LMBRD1: variants seen among roughly 807,000 people sequenced by gnomAD.
The protein encoded by LMBRD1 is LMBR1 domain containing 1, also known as lysosomal cobalamin transport escort protein LMBD1.
Under a neutral mutation model 74.8 loss-of-function variants are expected in LMBRD1, and 64 were observed. The observed-to-expected ratio is 0.86, with a 90% CI of 0.70 to 1.05. The LOEUF (loss-of-function observed/expected upper bound fraction) is 1.05. LMBRD1 is among the 50% of genes least tolerant of loss of function. The pLI is 0.00. For synonymous variants in LMBRD1, 204 were observed against 216.3 expected (o/e 0.94, Z 0.50); for missense variants, 652 against 645.9 (o/e 1.01, Z -0.10).
chr6:69,751,769 C>T (rs1765163740), intron 4 of LMBRD1, among the ~76,000 whole-genome samples: 1 of 152,190 alleles, frequency 6.6e-6, no homozygotes, highest in South Asian at 2.1e-4. Flanking sequence ...ATAAAATGTT[C>T]GCTGTCTCTG....
chr6:69,778,756 A>G (rs1202171385), intron 3 of LMBRD1, among the ~76,000 whole-genome samples: 1 of 152,136 alleles, frequency 6.6e-6, no homozygotes, highest in Non-Finnish European at 1.5e-5. Flanking sequence ...ATTTTATTAT[A>G]TTTAATATAT....
intron 9 of LMBRD1, among the ~76,000 whole-genome samples, chr6:69,704,960 C>CT (rs1766219833): frequency 7.2e-6 from 1 of 139,632 alleles, no homozygotes; most frequent in Non-Finnish European, 1.5e-5. Context: ...ATTAATTTCT[C>CT]TTTTTTTTAA....
rs147029590 is a variant in LMBRD1 at position 69,690,598 on chromosome 6, A to T, written c.1417+6965T>A. Among the ~76,000 whole-genome samples the T allele has an allele frequency of 3.4e-3, 516 of 152,128 alleles. 5 individuals carry two copies. The highest frequency in any genetic ancestry group is 0.011 in the African/African-American group (475 of 41,540). ...TAAAGGTTATTTTTAAATATAAGATAAAAAAACCCCAAATCAATCCATTTA... is the reference window on the plus strand; with the variant it reads ...TAAAGGTTATTTTTAAATATAAGATTAAAAAACCCCAAATCAATCCATTTA... On this transcript the variant is annotated intron_variant, in intron 14 of 15. Transcript: ENST00000649934.
chr6:69,738,764 G>A (rs1347929291), intron 6 of LMBRD1, among the ~76,000 whole-genome samples: 1 of 151,980 alleles, frequency 6.6e-6, no homozygotes, highest in Non-Finnish European at 1.5e-5. Context: ...ATATTCTTAG[G>A]AGCAACACTT....
chr6:69,726,841 T>TA (rs1766747363), intron 7 of LMBRD1, among the ~76,000 whole-genome samples: 1 of 151,122 alleles, frequency 6.6e-6, no homozygotes, highest in Non-Finnish European at 1.5e-5. Context: ...CTATAGTCAA[T>TA]AATAATTTCG....
intron 8 of LMBRD1, among the ~76,000 whole-genome samples, chr6:69,714,904 A>G (rs1204631607): frequency 2.6e-5 from 4 of 152,094 alleles, no homozygotes; most frequent in African/African-American, 9.7e-5. Flanking sequence ...TTAAATACAT[A>G]TATCTAGGCC....
At chr6:69,740,383 C>G (rs910269310) in intron 6 of LMBRD1, among the ~76,000 whole-genome samples, 1 of 152,094 alleles carries the variant, frequency 6.6e-6, no homozygotes, top group Non-Finnish European at 1.5e-5. Context: ...TATACTAATA[C>G]TCAAAGTATA....
At chr6:69,765,461 T>C (rs1216149472) in intron 3 of LMBRD1, among the ~76,000 whole-genome samples, 1 of 152,202 alleles carries the variant, frequency 6.6e-6, no homozygotes, top group East Asian at 1.9e-4. Flanking sequence ...TTTATTCCAT[T>C]GCTCTATATG....
At chr6:69,716,094 T>C (rs1172833508) in intron 8 of LMBRD1, among the ~76,000 whole-genome samples, 4 of 152,208 alleles carry the variant, frequency 2.6e-5, no homozygotes, top group Admixed American at 6.5e-5. Context: ...GCATGTGTCT[T>C]TATCGCAGAA....
At chr6:69,768,448 C>A (rs910033287) in intron 3 of LMBRD1, among the ~76,000 whole-genome samples, 1 of 146,982 alleles carries the variant, frequency 6.8e-6, no homozygotes, top group Non-Finnish European at 1.5e-5. Context: ...ACAATACAGG[C>A]AAAATATATA....
chr6:69,688,272 G>T (rs974942634), intron 14 of LMBRD1, among the ~76,000 whole-genome samples: 1 of 151,984 alleles, frequency 6.6e-6, no homozygotes, highest in Non-Finnish European at 1.5e-5. Context: ...CCAACATCAG[G>T]TATCAACTAG....
chr6:69,725,526 T>G lies in LMBRD1; in HGVS notation c.637-6445A>C, dbSNP rs182529238. Among the ~76,000 whole-genome samples the G allele has an allele frequency of 3.2e-3, 492 of 152,118 alleles. 7 individuals carry two copies. Among genetic ancestry groups the G allele is most frequent in the Middle Eastern group, 6.8e-3 (2 of 294 alleles). Reference sequence around the variant, plus strand: ...TAACTAAAACAGCATGGTACTGGCATAAAAACAGACACACGGACCAATGGA... The same window carrying G: ...TAACTAAAACAGCATGGTACTGGCAGAAAAACAGACACACGGACCAATGGA... On this transcript the variant is annotated intron_variant, in intron 7 of 15. Transcript: ENST00000649934.
chr6:69,771,110 A>G (rs1334374389), intron 3 of LMBRD1, among the ~76,000 whole-genome samples: 1 of 152,220 alleles, frequency 6.6e-6, no homozygotes, highest in Non-Finnish European at 1.5e-5. Context: ...TGGTTTAAAA[A>G]AACATTTACT....
chr6:69,788,417 T>A (rs2052129800), intron 2 of LMBRD1, among the ~76,000 whole-genome samples: 1 of 152,172 alleles, frequency 6.6e-6, no homozygotes, highest in Non-Finnish European at 1.5e-5. Context: ...TTTGGAAGTA[T>A]ACTACACTGT....
At chr6:69,740,751 T>C (rs1024034119) in intron 6 of LMBRD1, among the ~76,000 whole-genome samples, 7 of 152,226 alleles carry the variant, frequency 4.6e-5, no homozygotes, top group Non-Finnish European at 1.0e-4. Flanking sequence ...GCAATTTTTC[T>C]GCATAGTATT....
chr6:69,708,690 C>T (rs535112831), intron 9 of LMBRD1, among the ~76,000 whole-genome samples: 2 of 151,282 alleles, frequency 1.3e-5, no homozygotes, highest in South Asian at 2.1e-4. Flanking sequence ...AAAATTGTAA[C>T]TTTTTTTACA....
chr6:69,751,522 T>C (rs528422656), intron 4 of LMBRD1, among the ~76,000 whole-genome samples: 1 of 152,330 alleles, frequency 6.6e-6, no homozygotes, highest in South Asian at 2.1e-4. Context: ...AGACAAGGTT[T>C]CGCCATGTTG....
intron 3 of LMBRD1, among the ~76,000 whole-genome samples, chr6:69,764,806 G>C (rs141115092): frequency 6.6e-6 from 1 of 152,134 alleles, no homozygotes; most frequent in African/African-American, 2.4e-5. Context: ...GAAAGACAAA[G>C]ATTTAATATT....
At chr6:69,691,838 T>G (rs1765887182) in intron 14 of LMBRD1, among the ~76,000 whole-genome samples, 2 of 131,584 alleles carry the variant, frequency 1.5e-5, no homozygotes, top group South Asian at 4.7e-4. Context: ...ATCGCGCCAC[T>G]GCACTCCAGA....
Sources: allele counts gnomAD v4.1 joint callset (sites outside exome capture counted in the v4.1 genomes callset), GRCh38; gene constraint gnomAD v4.1.1; transcripts MANE v1.5; gene names NCBI Gene and HGNC (gene_info 2026-07-23, HGNC 2026-07-21).